Variants in STPG2 observed in about 807,000 individuals in gnomAD.
STPG2 encodes the protein sperm-tail PG-rich repeat-containing protein 2.
In STPG2, 56 loss-of-function variants were observed where a neutral mutation model predicts 54.2. The ratio of observed to expected loss-of-function variants is 1.03; its 90% CI spans 0.83 to 1.29. STPG2 has a LOEUF of 1.29. STPG2 is among the 50% of genes most tolerant of loss of function. The pLI, the probability that STPG2 is intolerant of heterozygous loss-of-function variation, is 0.00. For synonymous variants in STPG2, 200 were observed against 181.8 expected, an observed-to-expected ratio of 1.10 and a Z score of -0.81; for missense variants, 596 against 544.9, an observed-to-expected ratio of 1.09 and a Z score of -0.93.
At chr4:97,533,032 G>A (rs1020341192) in intron 4 of STPG2, among the ~76,000 whole-genome samples, 7 of 151,932 alleles carry the variant, frequency 4.6e-5, no homozygotes, top group Admixed American at 6.6e-5. Flanking sequence ...ACAGGCGCCC[G>A]CCACCACACC....
chr4:97,971,509 G>A (rs997031903), intron 7 of STPG2, among the ~76,000 whole-genome samples: 7 of 152,086 alleles, frequency 4.6e-5, no homozygotes, highest in African/African-American at 1.7e-4. Flanking sequence ...ATATGGATAT[G>A]AAGCTGAAAA....
rs1459893585 is a variant in STPG2, at chr4:97,937,563, G to GTA, written c.1044+6332_1044+6333dup. On this transcript the variant is annotated intron_variant, in intron 8 of 10. Transcript: ENST00000295268. ...CTGCTGACCTTTGGATGAGGTTTTT[G>GTA]TAGGAACTTTTTTGTTGATGCTGTT... Among the ~76,000 whole-genome samples the GTA allele has an allele frequency of 5.9e-5, 9 of 152,258 alleles. No individual in the cohort carries two copies. The South Asian group carries it at 8.3e-4, about 14-fold the overall frequency.
chr4:97,511,742 C>A (rs1221284878), intron 4 of STPG2, among the ~76,000 whole-genome samples: 1 of 151,396 alleles, frequency 6.6e-6, no homozygotes, highest in Non-Finnish European at 1.5e-5. Flanking sequence ...TAGATAATAA[C>A]AAACAAAATA....
intron 8 of STPG2, among the ~76,000 whole-genome samples, chr4:97,913,368 C>CA (rs1224944387): frequency 6.6e-6 from 1 of 152,058 alleles, no homozygotes; most frequent in Non-Finnish European, 1.5e-5. Context: ...AAAGAAGTTA[C>CA]AAAAACTGAT....
intron 4 of STPG2, among the ~76,000 whole-genome samples, chr4:97,514,739 A>G (rs6822100): frequency 0.24 from 35,949 of 151,772 alleles, 4,958 homozygotes; most frequent in Non-Finnish European, 0.3. Flanking sequence ...TTTTTTTTTC[A>G]GCCTTCAATT....
intron 4 of STPG2, among the ~76,000 whole-genome samples, chr4:97,493,590 T>C (rs1367284064): frequency 6.6e-6 from 1 of 151,380 alleles, no homozygotes; most frequent in Non-Finnish European, 1.5e-5. Flanking sequence ...TTAGCAAAAG[T>C]GTGGCCAGGA....
chr4:98,091,702 G>A (rs1362280718), intron 5 of STPG2, among the ~76,000 whole-genome samples: 1 of 44,642 alleles, frequency 2.2e-5, no homozygotes, highest in African/African-American at 6.5e-5. Flanking sequence ...ATTGTTCATT[G>A]AGTAATAATA....
At chr4:97,928,375 A>G (rs1732413414) in intron 8 of STPG2, among the ~76,000 whole-genome samples, 1 of 152,146 alleles carries the variant, frequency 6.6e-6, no homozygotes, top group Admixed American at 6.5e-5. Context: ...TTTGTGTAGA[A>G]GTTTTGTTAT....
intron 4 of STPG2, among the ~76,000 whole-genome samples, chr4:97,538,779 G>C (rs11934983): frequency 0.48 from 72,592 of 151,968 alleles, 18,241 homozygotes; most frequent in South Asian, 0.63. Context: ...AAAATGTTAA[G>C]GGCAGCCAGA....
At chr4:98,100,638 C>T (rs1202782804) in intron 5 of STPG2, among the ~76,000 whole-genome samples, 9 of 151,336 alleles carry the variant, frequency 5.9e-5, no homozygotes. Flanking sequence ...ACCAACCTTC[C>T]CAAGTCATAT....
intron 4 of STPG2, among the ~76,000 whole-genome samples, chr4:97,530,979 G>A (rs1731400779): frequency 6.6e-6 from 1 of 152,118 alleles, no homozygotes; most frequent in Non-Finnish European, 1.5e-5. Flanking sequence ...TTAATAACCA[G>A]AATATATAAG....
At chr4:97,955,725 T>C in intron 7 of STPG2, among the ~76,000 whole-genome samples, 1 of 152,078 alleles carries the variant, frequency 6.6e-6, no homozygotes, top group Middle Eastern at 3.4e-3. Flanking sequence ...AAAACAACAC[T>C]TCAGACACAT....
chr4:97,882,024 C>A (rs567327576), intron 8 of STPG2, among the ~76,000 whole-genome samples: 1 of 152,152 alleles, frequency 6.6e-6, no homozygotes, highest in South Asian at 2.1e-4. Context: ...TGCCCCCCTC[C>A]CCACACACAC....
intron 10 of STPG2, among the ~76,000 whole-genome samples, chr4:97,696,320 T>C (rs908491554): frequency 6.6e-6 from 1 of 152,126 alleles, no homozygotes; most frequent in African/African-American, 2.4e-5. Context: ...AATTGGCAAG[T>C]CACACACAGA....
At chr4:98,101,944 G>C (rs6840164) in intron 5 of STPG2, among the ~76,000 whole-genome samples, 2,222 of 144,534 alleles carry the variant, frequency 0.015, 56 homozygotes, top group African/African-American at 0.053. Context: ...TCAAACCCTT[G>C]CCACTTAACA....
rs375848968 is a variant in STPG2 at position 97,981,195 on chromosome 4, G to A, written c.736C>T (p.Arg246Ter). 8 of 1,613,800 alleles carry A rather than the reference G, an allele frequency of 5.0e-6. No individual in the cohort carries two copies. The East Asian group carries it at 8.9e-5, about 18-fold the overall frequency. Reference sequence around the variant, plus strand: ...TCTGTCCTGATGTCCTGTGTGAATCGAACAGCACTTTGACCAAATGGAATA... The same window carrying A: ...TCTGTCCTGATGTCCTGTGTGAATCAAACAGCACTTTGACCAAATGGAATA... Reference protein sequence around the residue: ...KNIPFGQSAVRFTQDIRTEEM... With the variant: ...KNIPFGQSAV The change falls in exon 6 of 11, where the codon CGA (arginine) becomes TGA (stop). Residue 246 changes from arginine (R) to a stop codon, truncating the protein, a stop_gained. Coordinates refer to ENST00000295268, the MANE Select transcript of STPG2 (RefSeq NM_174952.3). LOFTEE classifies it high-confidence loss of function.
intron 8 of STPG2, among the ~76,000 whole-genome samples, chr4:97,865,287 T>C (rs1384530743): frequency 2.0e-5 from 3 of 152,084 alleles, no homozygotes; most frequent in Non-Finnish European, 4.4e-5. Context: ...ACAAAGGATA[T>C]GAAAAGACAC....
chr4:98,078,689 T>C (rs1738248723), intron 5 of STPG2, among the ~76,000 whole-genome samples: 1 of 152,142 alleles, frequency 6.6e-6, no homozygotes, highest in Non-Finnish European at 1.5e-5. Context: ...ATGGAATTAA[T>C]CTGCTCTTAC....
intron 5 of STPG2, among the ~76,000 whole-genome samples, chr4:98,007,519 G>A (rs893794490): frequency 5.3e-5 from 8 of 152,106 alleles, no homozygotes; most frequent in Non-Finnish European, 1.0e-4. Context: ...TAGAGGAGAA[G>A]TATAAGCATA....
Sources: allele counts gnomAD v4.1 joint callset (sites outside exome capture counted in the v4.1 genomes callset), GRCh38; gene constraint gnomAD v4.1.1; transcripts MANE v1.5; gene names NCBI Gene and HGNC (gene_info 2026-07-23, HGNC 2026-07-21).